NEBL: variants seen among roughly 807,000 people sequenced by gnomAD.
NEBL encodes LIM and SH3 protein 2.
Under a neutral mutation model 140.2 loss-of-function variants are expected in NEBL, and 122 were observed. That is an observed-to-expected ratio of 0.87 (90% CI 0.75 to 1.01). The LOEUF (loss-of-function observed/expected upper bound fraction) is 1.01. NEBL is among the 50% of genes least tolerant of loss of function. NEBL has a pLI of 0.00. For missense variants in NEBL, 1,365 were observed against 1,231.3 expected (o/e 1.11, Z -1.62); for synonymous variants, 436 against 398.9 (o/e 1.09, Z -1.11).
At chr10:20,857,191 A>G (rs371826961) in intron 9 of NEBL, among the ~76,000 whole-genome samples, 205 of 152,354 alleles carry the variant, frequency 1.3e-3, no homozygotes, top group African/African-American at 4.5e-3. Flanking sequence ...AGGAAGGAAG[A>G]CAGTGGCAGT....
intron 3 of NEBL, among the ~76,000 whole-genome samples, chr10:21,224,122 T>A (rs1455882410): frequency 2.6e-5 from 4 of 152,232 alleles, no homozygotes; most frequent in Non-Finnish European, 5.9e-5. Context: ...TCCAATGTTT[T>A]CGTTTAGTAG....
intron 3 of NEBL, among the ~76,000 whole-genome samples, chr10:21,225,081 G>A (rs996473036): frequency 1.3e-5 from 2 of 152,062 alleles, no homozygotes; most frequent in African/African-American, 2.4e-5. Flanking sequence ...TCATGTTCCA[G>A]ATCTTAGAGG....
At chr10:20,959,058 A>C (rs1435429394) in intron 4 of NEBL, among the ~76,000 whole-genome samples, 1 of 152,210 alleles carries the variant, frequency 6.6e-6, no homozygotes, top group Middle Eastern at 3.2e-3. Context: ...AGGAGTTGTC[A>C]TTAAATTCAC....
In NEBL at chr10:21,224,384, T is replaced by C. The variant is rs1485987621; in HGVS notation, n.348+23537A>G. ...TTCCATTGGTCTATGTGTCTGTTTT[T>C]ATGCCAGTGCCATGCTGTTTTGATT... On this transcript the variant is annotated intron_variant and non_coding_transcript_variant, in intron 3 of 8. Coordinates refer to the NEBL transcript ENST00000675702. 2.0e-5 allele frequency among the ~76,000 whole-genome samples: 3 copies of C among 152,206 alleles called. No homozygotes were observed. The East Asian group carries it at 5.8e-4, about 29-fold the overall frequency.
chr10:21,047,649 G>C (rs1004684262), intron 2 of NEBL, among the ~76,000 whole-genome samples: 1 of 152,054 alleles, frequency 6.6e-6, no homozygotes. Flanking sequence ...CCAAAAAAAT[G>C]TGCAGGAGGT....
In NEBL at chr10:20,839,755, G is replaced by C. The variant is rs1841235638; in HGVS notation, c.1338+984C>G. On this transcript the variant is annotated intron_variant, in intron 13 of 27. Transcript: ENST00000377122. ...CCCAGACACAATGATTATGCCAGGT[G>C]TAAGCACAGGATAGAGATTAATCCA... Among the ~76,000 whole-genome samples the C allele has an allele frequency of 2.0e-5, 3 of 152,132 alleles. No individual in the cohort carries two copies. In the South Asian group the frequency reaches 6.2e-4, roughly 32 times the overall value.
intron 2 of NEBL, among the ~76,000 whole-genome samples, chr10:20,891,178 A>G (rs1289735179): frequency 6.6e-6 from 1 of 152,222 alleles, no homozygotes; most frequent in Non-Finnish European, 1.5e-5. Flanking sequence ...AGTTATTTCA[A>G]AATCCCATAT....
chr10:20,955,509 G>A (rs1244964859), intron 4 of NEBL, among the ~76,000 whole-genome samples: 2 of 152,134 alleles, frequency 1.3e-5, no homozygotes, highest in Non-Finnish European at 2.9e-5. Context: ...TAAGTAGGCA[G>A]GCCTAAAAGA....
chr10:20,835,047 G>A (rs1840742624), intron 14 of NEBL, among the ~76,000 whole-genome samples: 1 of 152,150 alleles, frequency 6.6e-6, no homozygotes, highest in African/African-American at 2.4e-5. Flanking sequence ...CATGCGTGCT[G>A]ATCATGTCAA....
chr10:20,884,115 CTT>C (rs1564418783), intron 4 of NEBL, among the ~76,000 whole-genome samples: 1 of 152,120 alleles, frequency 6.6e-6, no homozygotes, highest in African/African-American at 2.4e-5. Context: ...GTCATATACA[CTT>C]TGTTTATATA....
chr10:20,868,914 G>C (rs1844625055), intron 6 of NEBL, 149 bp from the exon 7 acceptor site: 1 of 658,214 alleles, frequency 1.5e-6, no homozygotes, highest in African/African-American at 1.8e-5. Flanking sequence ...GACTGCTAAA[G>C]CAGAAATTGA....
At chr10:21,022,800 GAT>G (rs377694675) in intron 2 of NEBL, among the ~76,000 whole-genome samples, 125 of 152,326 alleles carry the variant, frequency 8.2e-4, no homozygotes, top group African/African-American at 2.9e-3. Flanking sequence ...ACTGTCAAGA[GAT>G]AATTTCTCAC....
intron 4 of NEBL, among the ~76,000 whole-genome samples, chr10:20,939,608 C>T (rs1425384386): frequency 6.6e-6 from 1 of 152,086 alleles, no homozygotes; most frequent in Non-Finnish European, 1.5e-5. Flanking sequence ...CGTAAATGGG[C>T]TAAATGCTCC....
At chr10:21,155,311 A>T (rs1840297598) in intron 2 of NEBL, among the ~76,000 whole-genome samples, 1 of 152,338 alleles carries the variant, frequency 6.6e-6, no homozygotes, top group South Asian at 2.1e-4. Flanking sequence ...AGTTATTTTT[A>T]AATGTACAAT....
intron 2 of NEBL, among the ~76,000 whole-genome samples, chr10:21,141,810 G>A (rs1002567956): frequency 3.3e-5 from 5 of 152,134 alleles, no homozygotes; most frequent in African/African-American, 1.2e-4. Flanking sequence ...CATCCCTTTG[G>A]ATGAAGCTCT....
At chr10:21,027,976 C>T (rs1304940173) in intron 2 of NEBL, among the ~76,000 whole-genome samples, 1 of 151,968 alleles carries the variant, frequency 6.6e-6, no homozygotes, top group Non-Finnish European at 1.5e-5. Flanking sequence ...AATCCCAGCA[C>T]TTTGGGAGGC....
chr10:20,911,200 G>GT (rs2131464587), intron 4 of NEBL, among the ~76,000 whole-genome samples: 1 of 152,144 alleles, frequency 6.6e-6, no homozygotes, highest in East Asian at 1.9e-4. Flanking sequence ...TAAGCAAAGA[G>GT]TAAGCACTGC....
intron 3 of NEBL, among the ~76,000 whole-genome samples, chr10:21,220,035 C>T (rs1041743372): frequency 2.0e-5 from 3 of 152,034 alleles, no homozygotes; most frequent in African/African-American, 4.8e-5. Flanking sequence ...ACCTCAGCCT[C>T]CCAAGTAGCT....
intron 2 of NEBL, among the ~76,000 whole-genome samples, chr10:21,166,096 T>C (rs1217309304): frequency 1.3e-5 from 2 of 151,350 alleles, no homozygotes; most frequent in Non-Finnish European, 1.5e-5. Context: ...GGCGGGCGCC[T>C]GAAGTCCCAG....
Sources: allele counts gnomAD v4.1 joint callset (sites outside exome capture counted in the v4.1 genomes callset), GRCh38; gene constraint gnomAD v4.1.1; transcripts MANE v1.5; gene names NCBI Gene and HGNC (gene_info 2026-07-23, HGNC 2026-07-21).